The following EYS variants were observed in gnomAD, a reference collection of about 807,000 sequenced individuals.
EYS encodes the protein protein eyes shut homolog.
EYS carries 250 observed loss-of-function variants against 282.1 expected under a neutral mutation model. The ratio of observed to expected loss-of-function variants is 0.89; its 90% confidence interval spans 0.80 to 0.98. The LOEUF is 0.98. EYS is among the 50% of genes least tolerant of loss of function. The probability of loss-of-function intolerance (pLI) is 0.00; values close to 1 mark genes in which losing one functional copy is unlikely to be tolerated. For synonymous variants in EYS, 1,355 were observed against 1,282.9 expected, an observed-to-expected ratio of 1.06 and a Z score of -1.20; for missense variants, 4,016 against 3,709.0, an observed-to-expected ratio of 1.08 and a Z score of -2.15.
intron 34 of EYS, among the ~76,000 whole-genome samples, chr6:63,995,116 C>T (rs62415273): frequency 0.26 from 40,074 of 151,814 alleles, 6,083 homozygotes; most frequent in Middle Eastern, 0.35. Context: ...TATTTTCAAA[C>T]CATATGTTTG....
chr6:64,897,881 T>C (rs761620108), intron 18 of EYS, among the ~76,000 whole-genome samples: 1 of 151,934 alleles, frequency 6.6e-6, no homozygotes, highest in Admixed American at 6.6e-5. Flanking sequence ...CTTAGTGAAA[T>C]AAAGCAAGAA....
chr6:65,028,128 A>T (rs996175979), intron 13 of EYS, among the ~76,000 whole-genome samples: 1 of 152,046 alleles, frequency 6.6e-6, no homozygotes, highest in Non-Finnish European at 1.5e-5. Context: ...TGCAGTGCTC[A>T]TCATGGAGTA....
intron 12 of EYS, among the ~76,000 whole-genome samples, chr6:65,063,998 G>T (rs1329828527): frequency 6.6e-6 from 1 of 151,060 alleles, no homozygotes; most frequent in African/African-American, 2.4e-5. Context: ...TTGGATGGAA[G>T]AATTTTACAC....
intron 8 of EYS, among the ~76,000 whole-genome samples, chr6:65,360,746 C>G (rs1562121530): frequency 6.6e-6 from 1 of 152,120 alleles, no homozygotes; most frequent in Non-Finnish European, 1.5e-5. Flanking sequence ...CTTGCTCTCA[C>G]TGAGCTCACA....
chr6:63,762,337 A>G, intron 41 of EYS, 124 bp downstream of exon 41: 1 of 870,332 alleles, frequency 1.1e-6, no homozygotes, highest in East Asian at 2.7e-5. Flanking sequence ...TACTAGAAAA[A>G]GAGGACAGTG....
intron 36 of EYS, among the ~76,000 whole-genome samples, chr6:63,829,437 T>C (rs187629444): frequency 0.012 from 1,881 of 152,202 alleles, 32 homozygotes; most frequent in African/African-American, 0.044. Flanking sequence ...GATTGGAGGG[T>C]CCCACGCCCA....
At chr6:64,431,551 C>T (rs1774575294) in intron 28 of EYS, among the ~76,000 whole-genome samples, 1 of 152,144 alleles carries the variant, frequency 6.6e-6, no homozygotes, top group African/African-American at 2.4e-5. Context: ...GAAGCCCAGA[C>T]ATTGAGAGTC....
chr6:64,890,120 C>T (rs1034133244), intron 18 of EYS, among the ~76,000 whole-genome samples: 3 of 150,380 alleles, frequency 2.0e-5, no homozygotes, highest in Non-Finnish European at 2.9e-5. Flanking sequence ...TCTCCCATAG[C>T]GCTCCCAGGC....
intron 1 of EYS, among the ~76,000 whole-genome samples, chr6:65,682,564 G>T (rs1166522007): frequency 6.6e-6 from 1 of 151,714 alleles, no homozygotes; most frequent in Non-Finnish European, 1.5e-5. Flanking sequence ...TCACATATTA[G>T]TTTATTTAAT....
chr6:64,659,920 A>G (rs917533573), intron 22 of EYS, among the ~76,000 whole-genome samples: 1 of 152,196 alleles, frequency 6.6e-6, no homozygotes, highest in African/African-American at 2.4e-5. Context: ...AAAGCCTGGC[A>G]GAGACACAAC....
intron 22 of EYS, among the ~76,000 whole-genome samples, chr6:64,742,719 A>G (rs1433345516): frequency 6.6e-6 from 1 of 152,168 alleles, no homozygotes; most frequent in Non-Finnish European, 1.5e-5. Context: ...AGTATGTACA[A>G]CTGTTTACAT....
At chr6:65,019,902 G>A (rs143191657) in intron 13 of EYS, among the ~76,000 whole-genome samples, 10,364 of 134,800 alleles carry the variant, frequency 0.077, 437 homozygotes, top group East Asian at 0.13. Context: ...TTCACATGGC[G>A]GCAGCAAGAA....
At chr6:64,339,068 G>A (rs932321424) in intron 29 of EYS, among the ~76,000 whole-genome samples, 4 of 152,092 alleles carry the variant, frequency 2.6e-5, no homozygotes, top group African/African-American at 9.6e-5. Context: ...TCTAGACATT[G>A]GCTTAGGCAA....
intron 12 of EYS, among the ~76,000 whole-genome samples, chr6:65,285,698 G>A (rs1259973908): frequency 6.6e-6 from 1 of 151,926 alleles, no homozygotes; most frequent in Admixed American, 6.6e-5. Context: ...CAACAAATAT[G>A]ACTGTATTAA....
At chr6:65,270,765 CA>C (rs1295179922) in intron 12 of EYS, among the ~76,000 whole-genome samples, 2 of 151,992 alleles carry the variant, frequency 1.3e-5, no homozygotes, top group Non-Finnish European at 2.9e-5. Flanking sequence ...TAAAATTCAG[CA>C]AAGTTCTTTG....
intron 30 of EYS, among the ~76,000 whole-genome samples, chr6:64,253,576 C>A (rs999263004): frequency 9.2e-5 from 14 of 152,110 alleles, no homozygotes; most frequent in Non-Finnish European, 1.6e-4. Flanking sequence ...GAGACCATGG[C>A]AAGCACCAGA....
At chr6:64,311,585 A>G (rs1769705482) in intron 29 of EYS, among the ~76,000 whole-genome samples, 1 of 152,230 alleles carries the variant, frequency 6.6e-6, no homozygotes, top group African/African-American at 2.4e-5. Context: ...CTCGCTGGCA[A>G]GATGGCTGAA....
At chr6:64,008,257 T>G (rs886087435) in intron 33 of EYS, among the ~76,000 whole-genome samples, 3 of 152,174 alleles carry the variant, frequency 2.0e-5, no homozygotes, top group Admixed American at 6.5e-5. Context: ...TGATCATTAT[T>G]GGCTTGAAGT....
At chr6:65,402,134 A>T (rs973240505) in intron 7 of EYS, among the ~76,000 whole-genome samples, 7 of 151,718 alleles carry the variant, frequency 4.6e-5, no homozygotes, top group African/African-American at 9.7e-5. Flanking sequence ...TTATATATGT[A>T]TAACAAAAAT....
Sources: allele counts gnomAD v4.1 joint callset (sites outside exome capture counted in the v4.1 genomes callset), GRCh38; gene constraint gnomAD v4.1.1; transcripts MANE v1.5; gene names NCBI Gene and HGNC (gene_info 2026-07-23, HGNC 2026-07-21).